Variants in RRAS2 observed in about 807,000 individuals in gnomAD.
RRAS2 encodes the protein ras-related protein R-Ras2.
Under a neutral mutation model 27.6 loss-of-function variants are expected in RRAS2, and 7 were observed. That is an observed-to-expected ratio of 0.25 (90% CI 0.14 to 0.48). RRAS2 has a LOEUF of 0.48. RRAS2 is among the 20% of genes least tolerant of loss of function. The probability of loss-of-function intolerance (pLI) is 0.99; values close to 1 mark genes in which losing one functional copy is unlikely to be tolerated. For synonymous variants in RRAS2, 86 were observed against 90.9 expected, an observed-to-expected ratio of 0.95 and a Z score of 0.31; for missense variants, 178 against 256.2, an observed-to-expected ratio of 0.69 and a Z score of 2.08.
At chr11:14,300,583 C>G (rs1847672375) in intron 1 of RRAS2, among the ~76,000 whole-genome samples, 1 of 151,982 alleles carries the variant, frequency 6.6e-6, no homozygotes, top group Non-Finnish European at 1.5e-5. Flanking sequence ...CTGTTTCCAC[C>G]CCCGCCTCAA....
chr11:14,358,859 G>A lies in RRAS2; in HGVS notation c.12C>T (p.Ala4=), dbSNP rs782785201. Residue 4 remains alanine, a synonymous_variant, in exon 1 of 6, where the codon GCC becomes GCT. Coordinates refer to ENST00000256196, the MANE Select transcript of RRAS2 (RefSeq NM_012250.6). This position sits in a 1 kb window ranked among gnomAD's most constrained non-coding sequence, Gnocchi z 5.1. Reference sequence around the variant, plus strand: ...CCTGGCCGGAGCCGTCCCGCCAGCCGGCCGCGGCCATGGGGACGCTACAGA... The same window carrying A: ...CCTGGCCGGAGCCGTCCCGCCAGCCAGCCGCGGCCATGGGGACGCTACAGA... The part of the protein sequence containing the change: MAA[A]GWRDGSGQEK... 1.4e-6 allele frequency: 2 copies of A among 1,469,266 alleles called. No homozygotes were observed. Among genetic ancestry groups the A allele is most frequent in the Non-Finnish European group, 1.8e-6 (2 of 1,102,762 alleles). 91.0% of individuals were successfully genotyped at this position (1,469,266 alleles called of 1,614,324 possible).
chr11:14,318,512 A>G (rs1848160614), intron 1 of RRAS2, among the ~76,000 whole-genome samples: 1 of 151,974 alleles, frequency 6.6e-6, no homozygotes, highest in Non-Finnish European at 1.5e-5. Context: ...CAAAACAAAC[A>G]AACAAACAAA....
upstream of RRAS2, among the ~76,000 whole-genome samples, chr11:14,363,324 T>C (rs1529608): frequency 0.017 from 2,522 of 152,278 alleles, 38 homozygotes; most frequent in Admixed American, 0.033. Flanking sequence ...AAATCCCCTG[T>C]AGTGTATTTT....
rs138958362 is a variant in RRAS2, at chr11:14,285,065, T to C, written c.409-3345A>G. On this transcript the variant is annotated intron_variant, in intron 4 of 5. Transcript: ENST00000256196. ...TATCCATATTATCTATTCTTTGTTCTAGTTGTCTTCTTTCTCTACCTTCTT... is the reference window on the plus strand; with the variant it reads ...TATCCATATTATCTATTCTTTGTTCCAGTTGTCTTCTTTCTCTACCTTCTT... 3.9e-3 allele frequency among the ~76,000 whole-genome samples: 596 copies of C among 152,342 alleles called. 3 individuals carry two copies. The highest frequency in any genetic ancestry group is 0.01 in the Middle Eastern group (3 of 294).
intron 5 of RRAS2, among the ~76,000 whole-genome samples, chr11:14,279,847 CCA>C (rs1294108842): frequency 1.3e-5 from 2 of 152,116 alleles, no homozygotes; most frequent in African/African-American, 4.8e-5. Flanking sequence ...AGTCTGAGCC[CCA>C]GTTTTTTTAG....
intron 1 of RRAS2, among the ~76,000 whole-genome samples, chr11:14,339,293 AGG>A (rs549908438): frequency 0.093 from 5,922 of 63,958 alleles, 232 homozygotes; most frequent in East Asian, 0.18. Flanking sequence ...AAAAAAAAAA[AGG>A]GGGGGGGGGG....
chr11:14,309,977 G>A (rs1847922961), intron 1 of RRAS2, among the ~76,000 whole-genome samples: 1 of 152,210 alleles, frequency 6.6e-6, no homozygotes, highest in African/African-American at 2.4e-5. Flanking sequence ...TACTTAAGAA[G>A]CTATTACAAT....
upstream of RRAS2, among the ~76,000 whole-genome samples, chr11:14,361,710 G>A (rs1849193285): frequency 6.6e-6 from 1 of 152,160 alleles, no homozygotes; most frequent in Non-Finnish European, 1.5e-5. Context: ...ATTAAATGTA[G>A]AGTTACCAAC....
chr11:14,289,975 AAC>A (rs1849765988), intron 4 of RRAS2, among the ~76,000 whole-genome samples: 1 of 152,260 alleles, frequency 6.6e-6, no homozygotes, highest in Admixed American at 6.5e-5. Flanking sequence ...CTGTGTCGGC[AAC>A]AGAGAGCAAG....
intron 1 of RRAS2, among the ~76,000 whole-genome samples, chr11:14,296,172 C>T (rs1275766467): frequency 6.6e-6 from 1 of 151,212 alleles, no homozygotes; most frequent in Admixed American, 6.6e-5. Context: ...AGGACAAGAC[C>T]CTGTCTCAAA....
At chr11:14,356,789 C>A in intron 1 of RRAS2, 2 of 439,848 alleles carry the variant, frequency 4.5e-6, no homozygotes, top group South Asian at 3.2e-5. Context: ...ATTAGGAAAA[C>A]GGCAATTAAT....
At chr11:14,354,959 G>C (rs1675123288) in intron 1 of RRAS2, among the ~76,000 whole-genome samples, 1 of 152,036 alleles carries the variant, frequency 6.6e-6, no homozygotes, top group Non-Finnish European at 1.5e-5. Context: ...TTACAGGTGT[G>C]AGCCACCACG....
chr11:14,359,473 A>T (rs1006239628), upstream of RRAS2, among the ~76,000 whole-genome samples: 2 of 152,242 alleles, frequency 1.3e-5, no homozygotes, highest in East Asian at 3.8e-4. Context: ...GGCTGTTGGC[A>T]TATTAACTCA....
chr11:14,346,086 G>C (rs1554954019), intron 1 of RRAS2, among the ~76,000 whole-genome samples: 2 of 152,114 alleles, frequency 1.3e-5, no homozygotes, highest in African/African-American at 4.8e-5. Context: ...TTTAATATCA[G>C]ACCGAGAAAT....
At chr11:14,323,489 A>G (rs1848275096) in intron 1 of RRAS2, among the ~76,000 whole-genome samples, 1 of 152,060 alleles carries the variant, frequency 6.6e-6, no homozygotes, top group Admixed American at 6.6e-5. Flanking sequence ...AAGCCTGAAC[A>G]GCACTATGAC....
rs563513476 is a variant in RRAS2 at position 14,285,658 on chromosome 11, A to G, written c.409-3938T>C. Among the ~76,000 whole-genome samples the G allele has an allele frequency of 4.7e-4, 71 of 152,300 alleles. 1 individual carries two copies. In the South Asian group the frequency reaches 0.013, roughly 29 times the overall value. Reference sequence around the variant, plus strand: ...TTATCTCGCTTTTACATGTCTGGGAAAAGTCTTTATTTCATCTTCATTTCT... The same window carrying G: ...TTATCTCGCTTTTACATGTCTGGGAGAAGTCTTTATTTCATCTTCATTTCT... On this transcript the variant is annotated intron_variant, in intron 4 of 5. Coordinates refer to ENST00000256196, the MANE Select transcript of RRAS2 (RefSeq NM_012250.6).
At chr11:14,351,545 G>A (rs1445811609) in intron 1 of RRAS2, among the ~76,000 whole-genome samples, 3 of 152,076 alleles carry the variant, frequency 2.0e-5, no homozygotes, top group African/African-American at 7.2e-5. Flanking sequence ...TGGCCAACAC[G>A]GTGAAACTCC....
At position 14,358,844 on chromosome 11, in the gene RRAS2, G is replaced by T; in HGVS notation, c.27C>A (p.Gly9=). 1 of 1,480,496 alleles carries T rather than the reference G, an allele frequency of 6.8e-7. No homozygotes were observed. 91.7% of individuals were successfully genotyped at this position (1,480,496 alleles called of 1,614,324 possible). The change falls in exon 1 of 6, where the codon GGC becomes GGA. Residue 9 remains glycine, a synonymous_variant. Transcript: ENST00000256196. This position sits in a 1 kb window ranked among gnomAD's most constrained non-coding sequence, Gnocchi z 5.1. MAAAGWRD[G]SGQEKYRLVV... Reference sequence around the variant, plus strand: ...CGAGCCGGTACTTCTCCTGGCCGGAGCCGTCCCGCCAGCCGGCCGCGGCCA... The same window carrying T: ...CGAGCCGGTACTTCTCCTGGCCGGATCCGTCCCGCCAGCCGGCCGCGGCCA...
intron 2 of RRAS2, 126 bp from the exon 3 acceptor site, chr11:14,294,988 C>T: frequency 1.4e-6 from 1 of 698,572 alleles, no homozygotes; most frequent in Non-Finnish European, 2.4e-6. Context: ...AATGGCATTC[C>T]TTTCTTAGTA....
Sources: gnomAD v4.1 joint callset for allele counts (sites outside exome capture counted in the v4.1 genomes callset) on GRCh38, gnomAD v4.1.1 for gene constraint, Gnocchi (gnomAD v3.1) non-coding constraint, MANE v1.5 for transcripts, NCBI Gene and HGNC (gene_info 2026-07-23, HGNC 2026-07-21) for gene names.